AKR1E2: variants seen among roughly 807,000 people sequenced by gnomAD.
AKR1E2 encodes the protein 1,5-anhydro-D-fructose reductase.
A neutral mutation model predicts 41.9 loss-of-function variants in AKR1E2; 43 were observed. The ratio of observed to expected loss-of-function variants is 1.03; its 90% CI spans 0.80 to 1.32. The LOEUF (loss-of-function observed/expected upper bound fraction) is 1.32. Among genes scored for constraint, AKR1E2 ranks in the 40% most tolerant of loss-of-function variants. AKR1E2 has a pLI of 0.00. For synonymous variants in AKR1E2, 121 were observed against 138.9 expected (o/e 0.87, Z 0.91); for missense variants, 423 against 396.5 (o/e 1.07, Z -0.57).
chr10:4,826,600 A>G (rs1325399294), intron 1 of AKR1E2, among the ~76,000 whole-genome samples: 1 of 151,858 alleles, frequency 6.6e-6, no homozygotes, highest in African/African-American at 2.4e-5. Flanking sequence ...AGAAGCGGGA[A>G]CCTCGGCAGC....
chr10:4,827,088 A>G (rs77199520), intron 1 of AKR1E2, among the ~76,000 whole-genome samples: 11 of 150,682 alleles, frequency 7.3e-5, no homozygotes, highest in Admixed American at 1.3e-4. Context: ...AAAAAAAAAA[A>G]AAAAAGAAAA....
chr10:4,839,707 G>T (rs570267336), intron 5 of AKR1E2, 22 bp from the exon 6 acceptor site: 4 of 1,602,988 alleles, frequency 2.5e-6, no homozygotes, highest in Non-Finnish European at 3.4e-6. Context: ...TGAATTTTAT[G>T]TAAGCTATGA....
the AKR1E2 span, among the ~76,000 whole-genome samples, chr10:4,858,128 T>C: frequency 0.26 from 39,225 of 152,060 alleles, 5,270 homozygotes; most frequent in Middle Eastern, 0.37. Flanking sequence ...GTTGTCAATT[T>C]CTTTCATTGA....
intron 5 of AKR1E2, 80 bp downstream of exon 5, chr10:4,837,661 A>T: frequency 6.4e-7 from 1 of 1,554,936 alleles, no homozygotes; most frequent in Non-Finnish European, 8.7e-7. Context: ...TCTTCTGGAA[A>T]TGGAAGAATG....
Position 4,837,554 on chromosome 10 carries a change from G to A in AKR1E2, c.555G>A (p.Gly185=). The change falls in exon 5 of 10, where the codon GGG becomes GGA. Residue 185 remains glycine (G), a synonymous_variant. Coordinates refer to ENST00000298375, the MANE Select transcript of AKR1E2 (RefSeq NM_001040177.3). ...EQLERLLNKP[G]LRFKPLTNQI... Reference sequence around the variant, plus strand: ...TTGAGAGGCTTTTGAATAAGCCTGGGTTGAGGTTCAAGCCACTAACCAACC... The same window carrying A: ...TTGAGAGGCTTTTGAATAAGCCTGGATTGAGGTTCAAGCCACTAACCAACC... 6.2e-7 allele frequency: 1 copy of A among 1,613,880 alleles called. No individual in the cohort carries two copies. Among genetic ancestry groups the A allele is most frequent in the Non-Finnish European group, 8.5e-7 (1 of 1,179,900 alleles).
In AKR1E2 at chr10:4,833,366, A is replaced by G. The variant is rs1194738641; in HGVS notation, c.224A>G (p.His75Arg). 1 of 1,614,210 alleles carries G rather than the reference A, an allele frequency of 6.2e-7. No homozygotes were observed. Among genetic ancestry groups the G allele is most frequent in the Non-Finnish European group, 8.5e-7 (1 of 1,180,022 alleles). Residue 75 changes from histidine to arginine, a missense_variant, in exon 3 of 10, where the codon CAT becomes CGT. Physicochemically the swap from His to Arg is conservative, Grantham distance 29 (BLOSUM62 0). Coordinates refer to ENST00000298375, the MANE Select transcript of AKR1E2 (RefSeq NM_001040177.3). ...FIATKLWCTCHKKSLVETACR... is the reference protein window; with the variant it reads ...FIATKLWCTCRKKSLVETACR... ...CCTTTGTAGCTGTGGTGCACCTGCC[A>G]TAAGAAGTCCTTGGTGGAAACAGCA...
chr10:4,864,435 A>G, the AKR1E2 span, among the ~76,000 whole-genome samples: 1 of 152,170 alleles, frequency 6.6e-6, no homozygotes, highest in Non-Finnish European at 1.5e-5. Flanking sequence ...AACTCTCAAT[A>G]AATTAGGTAT....
At chr10:4,860,719 G>A in the AKR1E2 span, among the ~76,000 whole-genome samples, 39,218 of 152,086 alleles carry the variant, frequency 0.26, 5,266 homozygotes, top group Middle Eastern at 0.37. Flanking sequence ...CAAACTCTGT[G>A]CTCTCTCTAA....
the AKR1E2 span, among the ~76,000 whole-genome samples, chr10:4,868,027 GTTGGGGGT>G: frequency 6.6e-6 from 1 of 151,970 alleles, no homozygotes. Flanking sequence ...AGACTGGATC[GTTGGGGGT>G]TTGGGAAATA....
Position 4,835,750 on chromosome 10 carries a change from C to G in AKR1E2, c.400C>G (p.Pro134Ala). 6.2e-7 allele frequency: 1 copy of G among 1,614,190 alleles called. No homozygotes were observed. Among genetic ancestry groups the G allele is most frequent in the East Asian group, 2.2e-5 (1 of 44,886 alleles). The change falls in exon 4 of 10, where the codon CCT becomes GCT. Residue 134 changes from proline to alanine, a missense_variant. Physicochemically the swap from Pro to Ala is conservative, Grantham distance 27. Transcript: ENST00000298375. ...CLSHPRVQDLPLDESNMVIPS... is the reference protein window; with the variant it reads ...CLSHPRVQDLALDESNMVIPS... ...CTCACATCCTCGAGTGCAGGACTTG[C>G]CTCTGGACGAGAGCAACATGGTTAT... is the stretch of plus-strand genomic sequence containing the variant.
chr10:4,827,192 CAT>C (rs1175530684), intron 1 of AKR1E2, among the ~76,000 whole-genome samples: 1 of 152,000 alleles, frequency 6.6e-6, no homozygotes, highest in Non-Finnish European at 1.5e-5. Flanking sequence ...ATGCCTGAGA[CAT>C]ATAATCGCTC....
the AKR1E2 span, among the ~76,000 whole-genome samples, chr10:4,856,638 T>C: frequency 3.0e-3 from 457 of 152,348 alleles, 2 homozygotes; most frequent in East Asian, 0.029. Context: ...GGTGTGTTTG[T>C]ATAAATGTAT....
At chr10:4,862,266 C>A in the AKR1E2 span, among the ~76,000 whole-genome samples, 1 of 152,112 alleles carries the variant, frequency 6.6e-6, no homozygotes, top group African/African-American at 2.4e-5. Flanking sequence ...TTTCTGAGGG[C>A]TCTGTTCTGT....
intron 1 of AKR1E2, among the ~76,000 whole-genome samples, chr10:4,826,630 C>T (rs1439155683): frequency 1.3e-5 from 2 of 152,000 alleles, no homozygotes; most frequent in Non-Finnish European, 2.9e-5. Context: ...GACTCTGGGG[C>T]TGCGGCCGCG....
the AKR1E2 span, among the ~76,000 whole-genome samples, chr10:4,853,978 T>C: frequency 6.6e-6 from 1 of 152,062 alleles, no homozygotes; most frequent in Admixed American, 6.5e-5. Flanking sequence ...GCAGAAATAA[T>C]GTACTCCTTG....
intron 6 of AKR1E2, 140 bp from the exon 7 acceptor site, chr10:4,841,645 C>A: frequency 1.7e-6 from 1 of 580,606 alleles, no homozygotes; most frequent in Non-Finnish European, 2.8e-6. Context: ...TGCTTTTCTG[C>A]ATTTTAAAAT....
chr10:4,859,614 CA>C, the AKR1E2 span, among the ~76,000 whole-genome samples: 1 of 152,208 alleles, frequency 6.6e-6, no homozygotes, highest in Non-Finnish European at 1.5e-5. Flanking sequence ...CCGCACTTCT[CA>C]TATTTCTGCC....
chr10:4,847,327 T>A, intron 9 of AKR1E2, 97 bp downstream of exon 9: 1 of 1,575,668 alleles, frequency 6.3e-7, no homozygotes, highest in Non-Finnish European at 8.6e-7. Flanking sequence ...TTTAGATTAA[T>A]TAAACTTTCT....
intron 7 of AKR1E2, 95 bp downstream of exon 7, chr10:4,841,952 T>C: frequency 8.7e-7 from 1 of 1,145,918 alleles, no homozygotes; most frequent in Non-Finnish European, 1.2e-6. Context: ...AGGAAGGGAC[T>C]GGCTCACCCA....
Sources: gnomAD v4.1 joint callset for allele counts (sites outside exome capture counted in the v4.1 genomes callset) on GRCh38, gnomAD v4.1.1 for gene constraint, MANE v1.5 for transcripts, NCBI Gene and HGNC (gene_info 2026-07-23, HGNC 2026-07-21) for gene names.